GRID1: variants seen among roughly 807,000 people sequenced by gnomAD.
GRID1 encodes the protein glutamate receptor ionotropic, delta-1.
A neutral mutation model predicts 98.0 loss-of-function variants in GRID1; 28 were observed. The ratio of observed to expected loss-of-function variants is 0.29; its 90% CI spans 0.21 to 0.39. GRID1 has a LOEUF of 0.39. Ranked by LOEUF, GRID1 falls within the 10% of genes least tolerant of loss-of-function variation. The pLI is 1.00. For synonymous variants in GRID1, 553 were observed against 538.5 expected, an observed-to-expected ratio of 1.03 and a Z score of -0.37; for missense variants, 1,111 against 1,340.5, an observed-to-expected ratio of 0.83 and a Z score of 2.67.
At chr10:85,753,857 G>T (rs1179416011) in intron 8 of GRID1, among the ~76,000 whole-genome samples, 2 of 152,168 alleles carry the variant, frequency 1.3e-5, no homozygotes, top group Non-Finnish European at 2.9e-5. Context: ...GGATTGCAAG[G>T]TGATACACCA....
At chr10:85,689,891 T>A (rs1358381018) in intron 12 of GRID1, among the ~76,000 whole-genome samples, 1 of 152,200 alleles carries the variant, frequency 6.6e-6, no homozygotes, top group Non-Finnish European at 1.5e-5. Context: ...TCTTCAGAAA[T>A]GTAGGAGTTT....
At chr10:86,363,747 C>A (rs1414000789) in intron 2 of GRID1, among the ~76,000 whole-genome samples, 194 bp downstream of exon 2, 1 of 152,240 alleles carries the variant, frequency 6.6e-6, no homozygotes, top group Non-Finnish European at 1.5e-5. Flanking sequence ...TCCGTGCCGG[C>A]CCGCAGCGCA....
At position 86,262,565 on chromosome 10, in the gene GRID1, G is replaced by A. The variant is rs73334004; in HGVS notation, c.236-55917C>T. 9.5e-3 allele frequency among the ~76,000 whole-genome samples: 1,454 copies of A among 152,284 alleles called. 25 individuals carry two copies. Among genetic ancestry groups the A allele is most frequent in the African/African-American group, 0.034 (1,399 of 41,550 alleles). ...AGGGCGCCTTCTGGAGGAAGGGAACGTGGCTCCACCCCCAAGCGTTCTCTT... is the reference window on the plus strand; with the variant it reads ...AGGGCGCCTTCTGGAGGAAGGGAACATGGCTCCACCCCCAAGCGTTCTCTT... On this transcript the variant is annotated intron_variant, in intron 2 of 15. Transcript: ENST00000327946.
intron 4 of GRID1, among the ~76,000 whole-genome samples, chr10:86,021,672 G>A (rs909729300): frequency 2.6e-5 from 4 of 152,188 alleles, no homozygotes; most frequent in Non-Finnish European, 5.9e-5. Flanking sequence ...CAACTGATGA[G>A]CCTACACTGA....
chr10:85,869,336 C>T (rs1469867504), intron 5 of GRID1, among the ~76,000 whole-genome samples, 156 bp from the exon 6 acceptor site: 1 of 152,212 alleles, frequency 6.6e-6, no homozygotes, highest in Non-Finnish European at 1.5e-5. Context: ...TGCTTATTCA[C>T]AAATAATACT....
At chr10:86,177,852 G>C (rs1455157088) in intron 3 of GRID1, among the ~76,000 whole-genome samples, 1 of 151,912 alleles carries the variant, frequency 6.6e-6, no homozygotes, top group African/African-American at 2.4e-5. Context: ...AGAGACTTCA[G>C]TGTATGTGTG....
At chr10:85,971,693 T>G (rs867452407) in intron 4 of GRID1, among the ~76,000 whole-genome samples, 10 of 152,114 alleles carry the variant, frequency 6.6e-5, no homozygotes, top group African/African-American at 2.4e-4. Context: ...CTACCAACAC[T>G]AAGTGTTGTT....
At chr10:85,910,668 G>A (rs976811306) in intron 5 of GRID1, among the ~76,000 whole-genome samples, 6 of 152,204 alleles carry the variant, frequency 3.9e-5, no homozygotes, top group African/African-American at 7.2e-5. Flanking sequence ...CAGATGGGGG[G>A]TCTCTTAGGA....
intron 1 of GRID1, among the ~76,000 whole-genome samples, chr10:86,364,964 GT>G (rs1848654275): frequency 1.3e-5 from 2 of 152,180 alleles, no homozygotes; most frequent in Admixed American, 1.3e-4. Flanking sequence ...CCCGAGCCTA[GT>G]CCTGCAACCT....
At chr10:85,876,059 T>C (rs1404256974) in intron 5 of GRID1, among the ~76,000 whole-genome samples, 1 of 152,242 alleles carries the variant, frequency 6.6e-6, no homozygotes, top group African/African-American at 2.4e-5. Context: ...ACTACTATTT[T>C]CTCTTAGACA....
intron 2 of GRID1, among the ~76,000 whole-genome samples, chr10:86,262,604 GACCAC>G: frequency 6.6e-6 from 1 of 152,278 alleles, no homozygotes; most frequent in African/African-American, 2.4e-5. Context: ...ACGTGCTCTG[GACCAC>G]AGCCCTGTTA....
At chr10:85,959,517 T>C (rs1842237847) in intron 4 of GRID1, among the ~76,000 whole-genome samples, 1 of 152,192 alleles carries the variant, frequency 6.6e-6, no homozygotes, top group Admixed American at 6.5e-5. Context: ...CCCTGTGCAC[T>C]GCCAGCCAGT....
chr10:86,081,851 T>C (rs1358559216), intron 4 of GRID1, among the ~76,000 whole-genome samples: 2 of 152,226 alleles, frequency 1.3e-5, no homozygotes, highest in East Asian at 3.8e-4. Flanking sequence ...AGTGGTTGCC[T>C]ATGAATAGGC....
chr10:85,789,716 G>A (rs1384277128), intron 8 of GRID1, among the ~76,000 whole-genome samples: 1 of 152,106 alleles, frequency 6.6e-6, no homozygotes, highest in Non-Finnish European at 1.5e-5. Flanking sequence ...CCCATGGATG[G>A]GACAATCCCC....
chr10:85,984,514 G>A (rs1842586082), intron 4 of GRID1, among the ~76,000 whole-genome samples: 1 of 152,174 alleles, frequency 6.6e-6, no homozygotes, highest in African/African-American at 2.4e-5. Context: ...CTGCAGGCAG[G>A]TGGAATGGGC....
intron 8 of GRID1, among the ~76,000 whole-genome samples, chr10:85,813,571 T>C (rs1477730141): frequency 6.6e-6 from 1 of 151,808 alleles, no homozygotes; most frequent in Non-Finnish European, 1.5e-5. Context: ...AATAGAAGTT[T>C]TACAGCAGGC....
chr10:85,742,687 T>A (rs911929880), intron 8 of GRID1, among the ~76,000 whole-genome samples: 9 of 152,172 alleles, frequency 5.9e-5, no homozygotes, highest in African/African-American at 2.2e-4. Context: ...TTGTATTTTC[T>A]AAAGATGGTT....
At chr10:86,027,903 A>T (rs1000849484) in intron 4 of GRID1, among the ~76,000 whole-genome samples, 3 of 152,240 alleles carry the variant, frequency 2.0e-5, no homozygotes, top group Non-Finnish European at 4.4e-5. Context: ...TTGGCTGTAT[A>T]TAGACAAGAG....
At chr10:86,251,567 T>TAGA (rs2132049415) in intron 2 of GRID1, among the ~76,000 whole-genome samples, 1 of 152,046 alleles carries the variant, frequency 6.6e-6, no homozygotes, top group South Asian at 2.1e-4. Context: ...CTTGCCTCCC[T>TAGA]AGAACATCAG....
Sources: allele counts gnomAD v4.1 joint callset (sites outside exome capture counted in the v4.1 genomes callset), GRCh38; gene constraint gnomAD v4.1.1; transcripts MANE v1.5; gene names NCBI Gene and HGNC (gene_info 2026-07-23, HGNC 2026-07-21).